The following NRXN3 variants were observed in gnomAD, a reference collection of about 807,000 sequenced individuals.
NRXN3 encodes the protein neurexin III.
A neutral mutation model predicts 137.6 loss-of-function variants in NRXN3; 32 were observed. That is an observed-to-expected ratio of 0.23 (90% CI 0.18 to 0.31). NRXN3 has a LOEUF of 0.31. Ranked by LOEUF, NRXN3 falls within the 10% of genes least tolerant of loss-of-function variation. The pLI is 1.00. For missense variants in NRXN3, 1,574 were observed against 2,062.5 expected (o/e 0.76, Z 4.59); for synonymous variants, 798 against 784.5 (o/e 1.02, Z -0.29).
chr14:79,488,315 A>C (rs965024562), intron 16 of NRXN3, among the ~76,000 whole-genome samples: 66 of 152,214 alleles, frequency 4.3e-4, no homozygotes, highest in Admixed American at 4.6e-4. Context: ...TTAACTTGTG[A>C]CAGTTTTTTT....
chr14:79,031,433 T>A lies in NRXN3; in HGVS notation c.3262+43292T>A, dbSNP rs115405258. Among the ~76,000 whole-genome samples, 962 of 152,184 alleles carry A rather than the reference T, an allele frequency of 6.3e-3. 10 individuals carry two copies. The highest frequency in any genetic ancestry group is 0.022 in the African/African-American group (912 of 41,536). ...ATAATTTTTAGAGATAGATAAAGTG[T>A]TTTAGGTAATGTTTGGGAATAAGAA... On this transcript the variant is annotated intron_variant, in intron 15 of 20. Coordinates refer to ENST00000335750, the MANE Select transcript of NRXN3 (RefSeq NM_001330195.2).
chr14:79,229,150 G>A (rs553894076), intron 15 of NRXN3, among the ~76,000 whole-genome samples: 1 of 152,196 alleles, frequency 6.6e-6, no homozygotes, highest in African/African-American at 2.4e-5. Flanking sequence ...ATACTTGCTT[G>A]AGTAAACATC....
intron 10 of NRXN3, among the ~76,000 whole-genome samples, chr14:78,840,576 T>G (rs1263448716): frequency 2.0e-5 from 3 of 152,158 alleles, no homozygotes; most frequent in Non-Finnish European, 4.4e-5. Flanking sequence ...CATCACAGGT[T>G]GGCAAGAGTA....
chr14:79,270,909 C>T (rs1598123375), intron 15 of NRXN3, among the ~76,000 whole-genome samples: 1 of 152,312 alleles, frequency 6.6e-6, no homozygotes, highest in East Asian at 1.9e-4. Context: ...GAGAAATGCC[C>T]TTATTCCCCA....
At chr14:79,513,838 C>T (rs1358602582) in intron 16 of NRXN3, among the ~76,000 whole-genome samples, 2 of 152,170 alleles carry the variant, frequency 1.3e-5, no homozygotes, top group East Asian at 3.9e-4. Context: ...ATCATTTGAC[C>T]TCCTGTTTAG....
intron 16 of NRXN3, among the ~76,000 whole-genome samples, chr14:79,566,267 C>G (rs145994725): frequency 6.6e-6 from 1 of 152,088 alleles, no homozygotes; most frequent in African/African-American, 2.4e-5. Flanking sequence ...CTCCTTGCTG[C>G]ACTTCTTCTA....
intron 15 of NRXN3, among the ~76,000 whole-genome samples, chr14:79,010,622 A>G (rs746922433): frequency 2.0e-5 from 3 of 152,226 alleles, no homozygotes; most frequent in Non-Finnish European, 4.4e-5. Context: ...GAGAATAAGT[A>G]TAATAACAAA....
chr14:78,342,181 T>C (rs1320433803), intron 4 of NRXN3, among the ~76,000 whole-genome samples: 3 of 152,188 alleles, frequency 2.0e-5, no homozygotes, highest in Non-Finnish European at 4.4e-5. Flanking sequence ...CACTGAGCTC[T>C]CAATCAATTC....
At chr14:78,506,250 C>T (rs542933043) in intron 4 of NRXN3, among the ~76,000 whole-genome samples, 9 of 152,230 alleles carry the variant, frequency 5.9e-5, no homozygotes, top group African/African-American at 2.2e-4. Context: ...TTTCCCTTAG[C>T]GTAATGTCCT....
intron 4 of NRXN3, among the ~76,000 whole-genome samples, chr14:78,376,967 C>T (rs540405312): frequency 2.0e-4 from 31 of 151,838 alleles, no homozygotes; most frequent in South Asian, 1.0e-3. Context: ...CAAATCAAAA[C>T]GGAATTCTAA....
At chr14:79,825,232 C>A (rs1453257012) in intron 20 of NRXN3, among the ~76,000 whole-genome samples, 1 of 133,312 alleles carries the variant, frequency 7.5e-6, no homozygotes, top group African/African-American at 2.8e-5. Context: ...TTTTTACGGC[C>A]GTCCAATTTT....
chr14:79,059,250 C>CTTTTTTTTT (rs869266975), intron 15 of NRXN3, among the ~76,000 whole-genome samples: 3 of 78,282 alleles, frequency 3.8e-5, no homozygotes, highest in Admixed American at 1.6e-4. Context: ...AGGCCCTATT[C>CTTTTTTTTT]TTTTTTTTTT....
intron 16 of NRXN3, among the ~76,000 whole-genome samples, chr14:79,514,429 A>T (rs575395622): frequency 1.3e-4 from 20 of 152,242 alleles, no homozygotes; most frequent in African/African-American, 4.6e-4. Context: ...CAAAAGTAAC[A>T]TCATTGGTCT....
chr14:79,326,959 C>T (rs2090975605), intron 15 of NRXN3, among the ~76,000 whole-genome samples: 1 of 151,950 alleles, frequency 6.6e-6, no homozygotes, highest in South Asian at 2.1e-4. Context: ...TGTGAAACCT[C>T]TTTTTCAAAA....
At chr14:79,640,884 A>G (rs2098429128) in intron 16 of NRXN3, among the ~76,000 whole-genome samples, 1 of 135,984 alleles carries the variant, frequency 7.4e-6, no homozygotes, top group South Asian at 2.3e-4. Context: ...GAATACTTCC[A>G]TGGTCTAGTT....
intron 4 of NRXN3, among the ~76,000 whole-genome samples, chr14:78,495,429 T>A (rs983575210): frequency 6.6e-6 from 1 of 152,102 alleles, no homozygotes; most frequent in African/African-American, 2.4e-5. Context: ...AATGTTTCTG[T>A]GTATCAGAGC....
At chr14:78,454,468 CA>C (rs1488090199) in intron 4 of NRXN3, among the ~76,000 whole-genome samples, 1 of 152,176 alleles carries the variant, frequency 6.6e-6, no homozygotes, top group African/African-American at 2.4e-5. Context: ...CCCCAGTCCA[CA>C]CTAATAAAGT....
chr14:79,382,510 C>A (rs1195094806), intron 15 of NRXN3, among the ~76,000 whole-genome samples: 1 of 152,144 alleles, frequency 6.6e-6, no homozygotes, highest in African/African-American at 2.4e-5. Context: ...GATAAGCCAT[C>A]TCCTCTCTCA....
chr14:79,625,165 G>A (rs749371035), intron 16 of NRXN3, among the ~76,000 whole-genome samples: 3 of 152,136 alleles, frequency 2.0e-5, no homozygotes, highest in African/African-American at 7.2e-5. Flanking sequence ...GTCCAATCAT[G>A]TTGTTGCAAA....
Sources: allele counts gnomAD v4.1 joint callset (sites outside exome capture counted in the v4.1 genomes callset), GRCh38; gene constraint gnomAD v4.1.1; transcripts MANE v1.5; gene names NCBI Gene and HGNC (gene_info 2026-07-23, HGNC 2026-07-21).